CWF19L1: variants seen among roughly 807,000 people sequenced by gnomAD.
CWF19L1 encodes the protein CWF19 like cell cycle control factor 1, also known as CWF19-like protein 1.
CWF19L1 carries 60 observed loss-of-function variants against 69.7 expected under a neutral mutation model. That is an observed-to-expected ratio of 0.86 (90% CI 0.70 to 1.07). CWF19L1 has a LOEUF of 1.07. CWF19L1 is among the 50% of genes least tolerant of loss of function. CWF19L1 has a pLI of 0.00. For synonymous variants in CWF19L1, 209 were observed against 222.2 expected, an observed-to-expected ratio of 0.94 and a Z score of 0.53; for missense variants, 591 against 638.9, an observed-to-expected ratio of 0.92 and a Z score of 0.81.
chr10:100,243,108 T>A (rs1019302134), intron 10 of CWF19L1, among the ~76,000 whole-genome samples: 5 of 152,208 alleles, frequency 3.3e-5, no homozygotes, highest in Non-Finnish European at 5.9e-5. Flanking sequence ...AGCAAATCCA[T>A]TCCTAGGTCT....
chr10:100,233,400 T>TGATA, intron 13 of CWF19L1, 29 bp from the exon 14 acceptor site: 1 of 1,602,752 alleles, frequency 6.2e-7, no homozygotes, highest in South Asian at 1.1e-5. Context: ...GAAGTCAAAA[T>TGATA]GGAAACTATC....
At chr10:100,263,707 T>A (rs1847477887) in intron 1 of CWF19L1, among the ~76,000 whole-genome samples, 1 of 152,176 alleles carries the variant, frequency 6.6e-6, no homozygotes, top group African/African-American at 2.4e-5. Flanking sequence ...TCCCACTGAA[T>A]AAAGATAGAA....
chr10:100,262,303 C>G, intron 1 of CWF19L1: 1 of 985,418 alleles, frequency 1.0e-6, no homozygotes, highest in East Asian at 1.1e-4. Flanking sequence ...GCTTCTTCTC[C>G]TCATTCCTAA....
chr10:100,234,787 A>G (rs1464772401), intron 13 of CWF19L1, among the ~76,000 whole-genome samples: 3 of 152,122 alleles, frequency 2.0e-5, no homozygotes, highest in African/African-American at 7.2e-5. Context: ...CCCATCTTCA[A>G]TCTTTGCTTA....
Position 100,235,973 on chromosome 10 carries a change from T to C in CWF19L1, c.1375-209A>G, listed in dbSNP as rs368364802. On this transcript the variant is annotated intron_variant, in intron 12 of 13. Transcript: ENST00000354105. ...ATCCTCCCAGTGGCGTCTATCCTTC[T>C]AAGTTCCTACCTTAGGAAATTCTAA... Among the ~76,000 whole-genome samples the C allele has an allele frequency of 2.0e-4, 30 of 152,334 alleles. 1 individual carries two copies. The East Asian group carries it at 5.2e-3, about 26-fold the overall frequency.
At chr10:100,266,962 C>G (rs1187750968) in intron 1 of CWF19L1, among the ~76,000 whole-genome samples, 1 of 150,558 alleles carries the variant, frequency 6.6e-6, no homozygotes, top group Non-Finnish European at 1.5e-5. Context: ...TCTCCTGCCT[C>G]AGCCACCGCG....
At chr10:100,260,184 A>G (rs779457276) in intron 4 of CWF19L1, 34 bp downstream of exon 4, 1 of 1,478,232 alleles carries the variant, frequency 6.8e-7, no homozygotes, top group South Asian at 1.2e-5. Context: ...AAAAAACAAA[A>G]AACAAAAAAA....
At chr10:100,262,565 G>A in intron 1 of CWF19L1, 1 of 658,732 alleles carries the variant, frequency 1.5e-6, no homozygotes, top group Non-Finnish European at 1.9e-6. Flanking sequence ...CTAAAAACAT[G>A]TTAGCAGTAC....
rs56262807 is a variant in CWF19L1, at chr10:100,241,000, C to CTTT, written c.1044+2695_1044+2697dup. ...GACAGGAGTGTGCCACTAATTAAGC[C>CTTT]TTTTTTTTTTTTTTTTTTTTTTTTT... On this transcript the variant is annotated intron_variant, in intron 10 of 13. Transcript: ENST00000354105. 2.5e-3 allele frequency among the ~76,000 whole-genome samples: 180 copies of CTTT among 70,638 alleles called. 25 individuals are homozygous for CTTT. Among genetic ancestry groups the CTTT allele is most frequent in the Non-Finnish European group, 3.7e-3 (138 of 37,266 alleles). 46.3% of individuals were successfully genotyped at this position (70,638 alleles called of 152,430 possible).
At position 100,256,483 on chromosome 10, in the gene CWF19L1, T is replaced by C. The variant is rs1356871549; in HGVS notation, c.290-7A>G. 2 of 1,613,176 alleles carry C rather than the reference T, an allele frequency of 1.2e-6. No individual in the cohort carries two copies. The highest frequency in any genetic ancestry group is 2.7e-5 in the African/African-American group (2 of 74,832). ...GTGAAGATACCTTTACGACCTGGGT[T>C]CAAAGAAAAATGAACAAATTTTAGT... On this transcript the variant is annotated splice_polypyrimidine_tract_variant and splice_region_variant and intron_variant, in intron 4 of 13. Transcript: ENST00000354105.
At chr10:100,236,534 G>A (rs939989706) in intron 12 of CWF19L1, among the ~76,000 whole-genome samples, 6 of 152,172 alleles carry the variant, frequency 3.9e-5, no homozygotes, top group African/African-American at 1.2e-4. Context: ...ACCTTCGGGA[G>A]GCCAAGGCAG....
chr10:100,260,709 C>T (rs1035239591), intron 3 of CWF19L1, among the ~76,000 whole-genome samples: 1 of 151,900 alleles, frequency 6.6e-6, no homozygotes, highest in African/African-American at 2.4e-5. Context: ...TTTTAGTAGA[C>T]ACACGGTTTC....
At chr10:100,267,243 G>A (rs1423574321) in intron 1 of CWF19L1, among the ~76,000 whole-genome samples, 1 of 150,656 alleles carries the variant, frequency 6.6e-6, no homozygotes, top group African/African-American at 2.4e-5. Flanking sequence ...ATGGCTATTT[G>A]GCGAGTAAAT....
chr10:100,248,459 C>T lies in CWF19L1; in HGVS notation c.709-1524G>A, dbSNP rs893250815. 6.0e-5 allele frequency: 41 copies of T among 681,394 alleles called. 1 individual carries two copies. In the South Asian group the frequency reaches 6.5e-4, roughly 11 times the overall value. 42.2% of individuals were successfully genotyped at this position (681,394 alleles called of 1,614,324 possible). A position where few individuals can be genotyped will look rare whatever the true frequency, so the allele number is the denominator to read the frequency against. On this transcript the variant is annotated intron_variant, in intron 7 of 13. Transcript: ENST00000354105. ...TTCCATGGGTACACAAACCTATTATCTTTGACTGCTGTTCTTGACCATGTA... is the reference window on the plus strand; with the variant it reads ...TTCCATGGGTACACAAACCTATTATTTTTGACTGCTGTTCTTGACCATGTA...
chr10:100,247,744 A>G (rs1487713285), intron 7 of CWF19L1, among the ~76,000 whole-genome samples: 3 of 152,186 alleles, frequency 2.0e-5, no homozygotes, highest in Admixed American at 6.5e-5. Flanking sequence ...AAAATACAAA[A>G]GATTAGCCAG....
In CWF19L1 at chr10:100,260,454, C is replaced by T. The variant is rs148067886; in HGVS notation, c.188-135G>A. 2.1e-3 allele frequency: 1,187 copies of T among 553,590 alleles called. 10 individuals carry two copies. Among genetic ancestry groups the T allele is most frequent in the African/African-American group, 0.021 (1,054 of 51,214 alleles). 34.3% of individuals were successfully genotyped at this position (553,590 alleles called of 1,614,324 possible). On this transcript the variant is annotated intron_variant, in intron 3 of 13. Transcript: ENST00000354105. ...ATTCACATTCCCCATATTTAGCAATCCTAAATGTGGAACAGCTATCCACTA... is the reference window on the plus strand; with the variant it reads ...ATTCACATTCCCCATATTTAGCAATTCTAAATGTGGAACAGCTATCCACTA...
intron 6 of CWF19L1, among the ~76,000 whole-genome samples, chr10:100,252,851 CAAAA>C (rs1009272898): frequency 6.7e-6 from 1 of 149,704 alleles, no homozygotes; most frequent in Non-Finnish European, 1.5e-5. Context: ...AAAAAAAAGA[CAAAA>C]AAAAATTTTT....
intron 13 of CWF19L1, among the ~76,000 whole-genome samples, chr10:100,235,230 C>T (rs1159876323): frequency 6.6e-6 from 1 of 152,198 alleles, no homozygotes; most frequent in Non-Finnish European, 1.5e-5. Context: ...ATCGGGATGA[C>T]AGTACCTACC....
intron 10 of CWF19L1, among the ~76,000 whole-genome samples, chr10:100,243,327 C>T (rs115836721): frequency 8.6e-4 from 131 of 152,254 alleles, no homozygotes; most frequent in African/African-American, 2.9e-3. Context: ...CATGCTGCAA[C>T]ATGGATGAAC....
Sources: gnomAD v4.1 joint callset for allele counts (sites outside exome capture counted in the v4.1 genomes callset) on GRCh38, gnomAD v4.1.1 for gene constraint, MANE v1.5 for transcripts, NCBI Gene and HGNC (gene_info 2026-07-23, HGNC 2026-07-21) for gene names.